NIPSNAP3A: variants seen among roughly 807,000 people sequenced by gnomAD.
NIPSNAP3A encodes nipsnap homolog 3A, also known as protein NipSnap homolog 3A.
A neutral mutation model predicts 32.3 loss-of-function variants in NIPSNAP3A; 27 were observed. The ratio of observed to expected loss-of-function variants is 0.84; its 90% CI spans 0.62 to 1.15. The LOEUF is 1.15. NIPSNAP3A is among the 50% of genes most tolerant of loss of function. The probability of loss-of-function intolerance (pLI) is 0.00; values close to 1 mark genes in which losing one functional copy is unlikely to be tolerated. For missense variants in NIPSNAP3A, 278 were observed against 297.2 expected (o/e 0.94, Z 0.48); for synonymous variants, 108 against 107.3 (o/e 1.01, Z -0.04).
In NIPSNAP3A at chr9:104,759,393, T is replaced by A. The variant is rs1827946594; in HGVS notation, c.*55T>A. 1.3e-6 allele frequency: 2 copies of A among 1,547,052 alleles called. No individual in the cohort carries two copies. The highest frequency in any genetic ancestry group is 2.2e-5 in the South Asian group (2 of 88,920). ...AACTGCTATAGGATCTGTCTGCTAATGGTGCTTAAATTCTCCCAAGAGGTT... is the reference window on the plus strand; with the variant it reads ...AACTGCTATAGGATCTGTCTGCTAAAGGTGCTTAAATTCTCCCAAGAGGTT... On this transcript the variant is annotated 3_prime_UTR_variant, in exon 6 of 6. Transcript: ENST00000374767.
rs146388542 is a variant in NIPSNAP3A at position 104,750,991 on chromosome 9, C to T, written c.96C>T (p.Tyr32=). Residue 32 remains tyrosine (Y), a synonymous_variant, in exon 2 of 6, where the codon TAC becomes TAT. Transcript: ENST00000374767. The part of the protein sequence containing the change: ...CSSFATGPRQ[Y]DGIFYEFRSY... ...CTTTTGCTACGGGACCCAGACAATA[C>T]GATGGAATATTCTATGAATTTCGTT... 5.1e-5 allele frequency: 82 copies of T among 1,613,750 alleles called. No individual in the cohort carries two copies. The African/African-American group carries it at 6.4e-4, about 13-fold the overall frequency.
chr9:104,756,974 T>C (rs1202179902), intron 4 of NIPSNAP3A, among the ~76,000 whole-genome samples: 1 of 151,998 alleles, frequency 6.6e-6, no homozygotes, highest in African/African-American at 2.4e-5. Flanking sequence ...CAGCTAATTT[T>C]TGTATTTTTA....
At chr9:104,756,512 A>G (rs775876000) in intron 4 of NIPSNAP3A, among the ~76,000 whole-genome samples, 8 of 152,102 alleles carry the variant, frequency 5.3e-5, no homozygotes, top group Non-Finnish European at 8.8e-5. Context: ...TAAAACAATA[A>G]TGAGATGCCA....
At position 104,758,049 on chromosome 9, in the gene NIPSNAP3A, T is replaced by G. The variant is rs74364928; in HGVS notation, c.581-1036T>G. ...ATCTAACATGTATATATTACAATTA[T>G]AAAAACTTCATAAGCAATTTTGTAC... On this transcript the variant is annotated intron_variant, in intron 4 of 5. Transcript: ENST00000374767. Among the ~76,000 whole-genome samples the G allele has an allele frequency of 2.0e-3, 299 of 152,250 alleles. 8 individuals are homozygous for G. In the East Asian group the frequency reaches 0.048, roughly 25 times the overall value.
intron 4 of NIPSNAP3A, among the ~76,000 whole-genome samples, chr9:104,758,556 C>T (rs1827931607): frequency 6.6e-6 from 1 of 152,128 alleles, no homozygotes; most frequent in African/African-American, 2.4e-5. Flanking sequence ...ATCTATAAAA[C>T]CAATTTGATT....
intron 4 of NIPSNAP3A, among the ~76,000 whole-genome samples, chr9:104,758,697 C>T (rs767691841): frequency 1.1e-4 from 17 of 151,720 alleles, no homozygotes; most frequent in Non-Finnish European, 2.5e-4. Flanking sequence ...CGGTGGCTCA[C>T]GCCTGTAATC....
chr9:104,747,954 C>A, intron 1 of NIPSNAP3A, 102 bp downstream of exon 1: 1 of 1,204,476 alleles, frequency 8.3e-7, no homozygotes. Context: ...CGCTCTCCGC[C>A]ACGCGCGCCC....
intron 1 of NIPSNAP3A, among the ~76,000 whole-genome samples, chr9:104,748,514 G>T (rs527549296): frequency 4.6e-5 from 7 of 152,304 alleles, no homozygotes; most frequent in African/African-American, 1.7e-4. Context: ...TTTAACCTTA[G>T]ATGAGAAATG....
At chr9:104,749,308 C>CA (rs2118747402) in intron 1 of NIPSNAP3A, among the ~76,000 whole-genome samples, 1 of 152,274 alleles carries the variant, frequency 6.6e-6, no homozygotes, top group South Asian at 2.1e-4. Flanking sequence ...GGGGCAGCTG[C>CA]AGCTGTTTTT....
In NIPSNAP3A at chr9:104,758,597, C is replaced by A. The variant is rs547719807; in HGVS notation, c.581-488C>A. Among the ~76,000 whole-genome samples, 9 of 152,186 alleles carry A rather than the reference C, an allele frequency of 5.9e-5. No individual in the cohort carries two copies. The South Asian group carries it at 1.9e-3, about 32-fold the overall frequency. On this transcript the variant is annotated intron_variant, in intron 4 of 5. Transcript: ENST00000374767. ...ATCAATTTCTCTAGCAAGTCTCTGACCCCTCTGAAATCTTATCAGTAACAT... is the reference window on the plus strand; with the variant it reads ...ATCAATTTCTCTAGCAAGTCTCTGAACCCTCTGAAATCTTATCAGTAACAT...
intron 3 of NIPSNAP3A, among the ~76,000 whole-genome samples, chr9:104,753,387 G>A (rs1192742934): frequency 6.6e-6 from 1 of 152,168 alleles, no homozygotes; most frequent in Non-Finnish European, 1.5e-5. Context: ...GTAAGGGATA[G>A]CATAAGAAGT....
chr9:104,749,597 AG>A (rs1471446479), intron 1 of NIPSNAP3A, among the ~76,000 whole-genome samples: 1 of 152,232 alleles, frequency 6.6e-6, no homozygotes, highest in Admixed American at 6.5e-5. Flanking sequence ...TTCAAACTTA[AG>A]TAAGATGGAT....
chr9:104,752,901 C>A lies in NIPSNAP3A; in HGVS notation c.272-5C>A. On this transcript the variant is annotated splice_polypyrimidine_tract_variant and splice_region_variant and intron_variant, in intron 2 of 5. Coordinates refer to ENST00000374767, the MANE Select transcript of NIPSNAP3A (RefSeq NM_015469.3). The stretch of plus-strand genomic sequence containing the variant: ...TTATTTTTCTTAATTCTTTTCTTCC[C>A]ACAGATAATTTTGCTCATCGAACTG... 6.2e-7 allele frequency: 1 copy of A among 1,609,938 alleles called. No homozygotes were observed. Among genetic ancestry groups the A allele is most frequent in the Non-Finnish European group, 8.5e-7 (1 of 1,176,436 alleles).
chr9:104,748,176 C>A (rs990077914), intron 1 of NIPSNAP3A, among the ~76,000 whole-genome samples: 2 of 152,192 alleles, frequency 1.3e-5, no homozygotes, highest in African/African-American at 2.4e-5. Flanking sequence ...TGCTGCCCAG[C>A]TATGTCGCGG....
At chr9:104,754,443 C>G in intron 3 of NIPSNAP3A, 108 bp from the exon 4 acceptor site, 1 of 900,248 alleles carries the variant, frequency 1.1e-6, no homozygotes, top group Non-Finnish European at 1.8e-6. Flanking sequence ...GTATGCATGT[C>G]TGATCCTCCA....
chr9:104,753,400 T>C (rs1827869530), intron 3 of NIPSNAP3A, among the ~76,000 whole-genome samples: 2 of 152,200 alleles, frequency 1.3e-5, no homozygotes, highest in African/African-American at 4.8e-5. Context: ...TAAGAAGTTT[T>C]GCCATAATTT....
rs757798382 is a variant in NIPSNAP3A at position 104,751,201 on chromosome 9, A to T, written c.271+35A>T. 34 of 1,531,050 alleles carry T rather than the reference A, an allele frequency of 2.2e-5. No homozygotes were observed. The Middle Eastern group carries it at 5.7e-4, about 25-fold the overall frequency. 94.8% of individuals were successfully genotyped at this position (1,531,050 alleles called of 1,614,324 possible). A position where few individuals can be genotyped will look rare whatever the true frequency, so the allele number is the denominator to read the frequency against. On this transcript the variant is annotated intron_variant, in intron 2 of 5. Transcript: ENST00000374767. ...CATCCAATTTTGGCTTTCAGTATAG[A>T]TTTTCATTTTTCAGTATAGATTTTC... is the stretch of plus-strand genomic sequence containing the variant.
chr9:104,747,988 C>G (rs1157124522), intron 1 of NIPSNAP3A, 136 bp downstream of exon 1: 6 of 726,562 alleles, frequency 8.3e-6, no homozygotes, highest in Non-Finnish European at 1.3e-5. Flanking sequence ...CGGTGAGGTT[C>G]TAGCGTGAGC....
intron 1 of NIPSNAP3A, among the ~76,000 whole-genome samples, chr9:104,749,184 T>C (rs1458257728): frequency 6.6e-6 from 1 of 152,226 alleles, no homozygotes; most frequent in African/African-American, 2.4e-5. Context: ...GCCTATCTCC[T>C]GATATATTTT....
Sources: gnomAD v4.1 joint callset for allele counts (sites outside exome capture counted in the v4.1 genomes callset) on GRCh38, gnomAD v4.1.1 for gene constraint, MANE v1.5 for transcripts, NCBI Gene and HGNC (gene_info 2026-07-23, HGNC 2026-07-21) for gene names.